The following PATJ variants were observed in gnomAD, a reference collection of about 807,000 sequenced individuals.
PATJ encodes the protein PATJ crumbs cell polarity complex component, also known as inaD-like protein.
In PATJ, 190 loss-of-function variants were observed where a neutral mutation model predicts 224.9. The observed-to-expected ratio is 0.84, with a 90% confidence interval of 0.75 to 0.95. The LOEUF (loss-of-function observed/expected upper bound fraction) is 0.95, where lower values mean the gene tolerates loss of function less well. Among genes scored for constraint, PATJ ranks in the 40% least tolerant of loss-of-function variants. The pLI, the probability that PATJ is intolerant of heterozygous loss-of-function variation, is 0.00. For missense variants in PATJ, 2,121 were observed against 2,270.3 expected, an observed-to-expected ratio of 0.93 and a Z score of 1.34; for synonymous variants, 769 against 820.3, an observed-to-expected ratio of 0.94 and a Z score of 1.07.
At chr1:61,944,199 G>A (rs562413567) in intron 27 of PATJ, among the ~76,000 whole-genome samples, 13 of 152,288 alleles carry the variant, frequency 8.5e-5, no homozygotes, top group Admixed American at 5.9e-4. Context: ...CACCAGCAAC[G>A]GAACAAAGCT....
chr1:61,982,323 C>G lies in PATJ; in HGVS notation c.3671-7845C>G, dbSNP rs1455266315. On this transcript the variant is annotated intron_variant, in intron 27 of 43. Coordinates refer to ENST00000642238, the MANE Select transcript of PATJ (RefSeq NM_001350145.3). ...TGACAAATAATCTAAGGAGATAGGC[C>G]TGGGAACCATTGTTTCATCTCTGAA... 3.9e-5 allele frequency among the ~76,000 whole-genome samples: 6 copies of G among 151,942 alleles called. 1 individual carries two copies. The highest frequency in any genetic ancestry group is 1.5e-4 in the African/African-American group (6 of 41,276).
chr1:61,911,051 T>G (rs1672561121), intron 25 of PATJ, among the ~76,000 whole-genome samples: 1 of 152,232 alleles, frequency 6.6e-6, no homozygotes, highest in African/African-American at 2.4e-5. Flanking sequence ...ATAAGTCATT[T>G]TCTAATGTTG....
At chr1:62,051,823 A>G (rs1053487612) in intron 31 of PATJ, among the ~76,000 whole-genome samples, 18 of 152,154 alleles carry the variant, frequency 1.2e-4, no homozygotes, top group African/African-American at 9.7e-5. Context: ...ATGTACCCTA[A>G]TGTTTGATAT....
chr1:62,000,899 A>G lies in PATJ; in HGVS notation c.3867+10535A>G, dbSNP rs868772886. Among the ~76,000 whole-genome samples, 213 of 146,120 alleles carry G rather than the reference A, an allele frequency of 1.5e-3. 1 individual carries two copies. Among genetic ancestry groups the G allele is most frequent in the African/African-American group, 4.4e-3 (162 of 36,864 alleles). On this transcript the variant is annotated intron_variant, in intron 28 of 43. Transcript: ENST00000642238. ...TTTAATGATTGCCATTCTAACTGGT[A>G]TGAGACGGTATCTCATTGTGGTTTT... is the stretch of plus-strand genomic sequence containing the variant.
chr1:61,915,230 G>C (rs1013287785), intron 26 of PATJ, among the ~76,000 whole-genome samples: 2 of 152,126 alleles, frequency 1.3e-5, no homozygotes, highest in Non-Finnish European at 2.9e-5. Context: ...GTTCTCTTGG[G>C]GAATTACTGT....
In PATJ at chr1:61,766,482, G is replaced by A. The variant is rs183271737; in HGVS notation, c.384+9G>A. ...TTCAACAGATGGCTCAGGTAAAGTT[G>A]TATCTTCTCATGGAAATATTTAGCT... On this transcript the variant is annotated intron_variant, in intron 4 of 43. Coordinates refer to ENST00000642238, the MANE Select transcript of PATJ (RefSeq NM_001350145.3). 2.5e-4 allele frequency: 393 copies of A among 1,563,018 alleles called. 1 individual carries two copies. The highest frequency in any genetic ancestry group is 1.1e-3 in the East Asian group (50 of 43,622).
At chr1:61,844,622 G>T (rs775950500) in intron 17 of PATJ, among the ~76,000 whole-genome samples, 1 of 151,930 alleles carries the variant, frequency 6.6e-6, no homozygotes, top group Non-Finnish European at 1.5e-5. Context: ...ATCTCTTACT[G>T]TGCCTAATTT....
intron 19 of PATJ, among the ~76,000 whole-genome samples, chr1:61,863,027 GTTTTTTTTTT>G (rs35033086): frequency 1.3e-5 from 1 of 79,996 alleles, no homozygotes; most frequent in South Asian, 5.3e-4. Context: ...ACTGTTTTCA[GTTTTTTTTTT>G]TTTTTTTTTT....
chr1:61,806,726 T>G (rs1653641893), intron 13 of PATJ, among the ~76,000 whole-genome samples: 1 of 152,210 alleles, frequency 6.6e-6, no homozygotes, highest in Non-Finnish European at 1.5e-5. Context: ...TCACAGATTT[T>G]GAATATGGTT....
At chr1:61,894,244 A>G (rs1227476982) in intron 22 of PATJ, among the ~76,000 whole-genome samples, 2 of 150,572 alleles carry the variant, frequency 1.3e-5, no homozygotes, top group Admixed American at 6.6e-5. Context: ...ACAAGAGCGA[A>G]ACTCTATCTC....
At chr1:62,108,626 C>A in intron 34 of PATJ, 106 bp downstream of exon 34, 1 of 556,730 alleles carries the variant, frequency 1.8e-6, no homozygotes, top group Non-Finnish European at 3.1e-6. Flanking sequence ...TGATTCCTCT[C>A]CCATTTAACA....
At chr1:62,096,750 G>C (rs566719714) in intron 33 of PATJ, among the ~76,000 whole-genome samples, 65 of 151,944 alleles carry the variant, frequency 4.3e-4, no homozygotes, top group Middle Eastern at 3.2e-3. Context: ...CAAGTAGCTG[G>C]GATTACAGGC....
intron 3 of PATJ, among the ~76,000 whole-genome samples, chr1:61,764,672 T>C (rs1444262011): frequency 6.6e-6 from 1 of 152,234 alleles, no homozygotes; most frequent in Non-Finnish European, 1.5e-5. Flanking sequence ...TAAACTAAAA[T>C]GCTTGCCCAT....
intron 21 of PATJ, among the ~76,000 whole-genome samples, chr1:61,877,530 TTC>T (rs1553188546): frequency 6.6e-6 from 1 of 152,044 alleles, no homozygotes; most frequent in Non-Finnish European, 1.5e-5. Flanking sequence ...CCTCCATCTG[TTC>T]TCATGATAGT....
intron 7 of PATJ, 109 bp from the exon 8 acceptor site, chr1:61,787,645 G>A (rs1648837454): frequency 1.4e-6 from 1 of 735,958 alleles, no homozygotes; most frequent in Non-Finnish European, 2.3e-6. Flanking sequence ...AGCATTTTAG[G>A]TGGCTTCTTT....
chr1:62,144,796 A>ATATATATATATAT (rs1204098847), intron 41 of PATJ, among the ~76,000 whole-genome samples: 6 of 145,092 alleles, frequency 4.1e-5, no homozygotes, highest in East Asian at 2.2e-4. Context: ...ATATATATAT[A>ATATATATATATAT]ATTAGCAGAA....
chr1:61,944,093 T>C (rs918983560), intron 27 of PATJ, among the ~76,000 whole-genome samples: 14 of 151,912 alleles, frequency 9.2e-5, no homozygotes, highest in African/African-American at 3.1e-4. Context: ...GGACCAAAGG[T>C]AGATAAAACC....
chr1:61,870,147 G>A (rs1206714289), intron 20 of PATJ, among the ~76,000 whole-genome samples: 2 of 152,066 alleles, frequency 1.3e-5, no homozygotes, highest in African/African-American at 4.8e-5. Flanking sequence ...GGAAAAATGA[G>A]GCTGCATGAA....
intron 27 of PATJ, among the ~76,000 whole-genome samples, chr1:61,967,761 A>G (rs1183667071): frequency 6.6e-6 from 1 of 152,212 alleles, no homozygotes; most frequent in Non-Finnish European, 1.5e-5. Context: ...TTAATCTTAA[A>G]TATTTGTTTC....
Sources: allele counts gnomAD v4.1 joint callset (sites outside exome capture counted in the v4.1 genomes callset), GRCh38; gene constraint gnomAD v4.1.1; transcripts MANE v1.5; gene names NCBI Gene and HGNC (gene_info 2026-07-23, HGNC 2026-07-21).